TJP2: variants seen among roughly 807,000 people sequenced by gnomAD.
The protein encoded by TJP2 is Friedreich ataxia region gene X104 (tight junction protein ZO-2).
TJP2 carries 91 observed loss-of-function variants against 133.1 expected under a neutral mutation model. The ratio of observed to expected loss-of-function variants is 0.68; its 90% CI spans 0.58 to 0.81. TJP2 has a LOEUF of 0.81. TJP2 is among the 40% of genes least tolerant of loss of function. The pLI, the probability that TJP2 is intolerant of heterozygous loss-of-function variation, is 0.00. For synonymous variants in TJP2, 592 were observed against 583.4 expected (o/e 1.01, Z -0.21); for missense variants, 1,541 against 1,565.6 (o/e 0.98, Z 0.26).
chr9:69,233,477 G>C (rs1399581687), intron 11 of TJP2, among the ~76,000 whole-genome samples: 4 of 152,166 alleles, frequency 2.6e-5, no homozygotes, highest in Non-Finnish European at 5.9e-5. Context: ...TAGGCTGAAA[G>C]ATACAGAACT....
rs548512481 is a variant in TJP2 at position 69,234,370 on chromosome 9, T to TTTTCTTTCTTTCTTTCTTTCTTTCTTTC, written c.1672-65_1672-38dup. On this transcript the variant is annotated intron_variant, in intron 11 of 22. Transcript: ENST00000377245. Reference sequence around the variant, plus strand: ...GCATCTTACTATAAACTTCTCTGTTTTTTCTTTCTTTCTTTCTTTCTTTCT... The same window carrying TTTTCTTTCTTTCTTTCTTTCTTTCTTTC: ...GCATCTTACTATAAACTTCTCTGTTTTTTCTTTCTTTCTTTCTTTCTTTCTTTCTTTCTTTCTTTCTTTCTTTCTTTCT... 4.5e-6 allele frequency: 5 copies of TTTTCTTTCTTTCTTTCTTTCTTTCTTTC among 1,117,774 alleles called. No homozygotes were observed. In the African/African-American group the frequency reaches 8.9e-5, roughly 20 times the overall value. The allele number at this position is 1,117,774 out of a possible 1,614,324, so 69.2% of individuals were successfully genotyped here.
intron 1 of TJP2, among the ~76,000 whole-genome samples, chr9:69,130,015 CAAA>C (rs11355311): frequency 2.1e-4 from 20 of 94,168 alleles, no homozygotes; most frequent in Non-Finnish European, 2.4e-4. Context: ...AACTCTGCCT[CAAA>C]AAAAAAAAAA....
At chr9:69,243,589 G>A (rs756101291) in intron 17 of TJP2, among the ~76,000 whole-genome samples, 4 of 152,030 alleles carry the variant, frequency 2.6e-5, no homozygotes, top group Non-Finnish European at 4.4e-5. Flanking sequence ...TGTTTTCTTG[G>A]AATCTTCAAA....
In TJP2 at chr9:69,255,149, C is replaced by T. The variant is rs752601594; in HGVS notation, c.*775C>T. On this transcript the variant is annotated 3_prime_UTR_variant, in exon 23 of 23. Transcript: ENST00000377245. Reference sequence around the variant, plus strand: ...GAGGAAAACACTATTTCCAAAAGCACATGTATTGACAACAGTTTTATAATT... The same window carrying T: ...GAGGAAAACACTATTTCCAAAAGCATATGTATTGACAACAGTTTTATAATT... The T allele has an allele frequency of 6.6e-6, 1 of 152,374 alleles. No individual in the cohort carries two copies. Among genetic ancestry groups the T allele is most frequent in the African/African-American group, 2.4e-5 (1 of 41,438 alleles). 9.4% of individuals were successfully genotyped at this position (152,374 alleles called of 1,614,324 possible).
At chr9:69,243,447 AGGC>A (rs1205972041) in intron 17 of TJP2, among the ~76,000 whole-genome samples, 1 of 152,260 alleles carries the variant, frequency 6.6e-6, no homozygotes, top group Non-Finnish European at 1.5e-5. Flanking sequence ...ATTTGCCCAA[AGGC>A]AAGTTGACTT....
At chr9:69,189,648 T>TTA (rs397789557) in intron 1 of TJP2, among the ~76,000 whole-genome samples, 2 of 32,874 alleles carry the variant, frequency 6.1e-5, no homozygotes, top group African/African-American at 1.0e-4. Flanking sequence ...TTTTTTTTTT[T>TTA]AAGTTTAAAA....
intron 1 of TJP2, among the ~76,000 whole-genome samples, chr9:69,185,023 T>C (rs1825760840): frequency 6.6e-6 from 1 of 152,044 alleles, no homozygotes; most frequent in African/African-American, 2.4e-5. Flanking sequence ...GTGCTAGGAT[T>C]ATAGGCGTGA....
intron 14 of TJP2, 151 bp downstream of exon 14, chr9:69,237,287 C>G (rs543514758): frequency 5.0e-6 from 5 of 995,778 alleles, no homozygotes; most frequent in South Asian, 4.1e-5. Context: ...TAACAAGGAG[C>G]ATGATTTATA....
intron 1 of TJP2, among the ~76,000 whole-genome samples, chr9:69,183,381 T>C (rs1825646287): frequency 6.6e-6 from 1 of 152,196 alleles, no homozygotes; most frequent in African/African-American, 2.4e-5. Context: ...CTGACTTCTC[T>C]CACCGTGGAA....
intron 2 of TJP2, among the ~76,000 whole-genome samples, chr9:69,154,662 C>T (rs1345247802): frequency 6.6e-6 from 1 of 151,056 alleles, no homozygotes; most frequent in Non-Finnish European, 1.5e-5. Flanking sequence ...TGGTGGTTCG[C>T]ACCTATAATC....
rs766659266 is a variant in TJP2, at chr9:69,248,218, C to T, written c.2874C>T (p.His958=). The T allele has an allele frequency of 1.1e-5, 18 of 1,598,526 alleles. No individual in the cohort carries two copies. The East Asian group carries it at 1.4e-4, about 12-fold the overall frequency. The change falls in exon 19 of 23, where the codon CAC becomes CAT. Residue 958 remains histidine, a synonymous_variant. Transcript: ENST00000377245. ...CCCGCTCCTCGGAGCCGGTGCAGCA[C>T]GAGGAGGTGAGGCGAGGCAGGCCAC... ...SITRSSEPVQ[H]EESIRKPSPE... is the part of the protein sequence containing the mutation.
chr9:69,178,347 G>C (rs554951447), intron 1 of TJP2, among the ~76,000 whole-genome samples: 1 of 152,284 alleles, frequency 6.6e-6, no homozygotes, highest in South Asian at 2.1e-4. Flanking sequence ...TTATTTCATG[G>C]CTAGATTGCT....
intron 2 of TJP2, among the ~76,000 whole-genome samples, chr9:69,162,241 C>T (rs1824118923): frequency 6.7e-6 from 1 of 149,374 alleles, no homozygotes; most frequent in Non-Finnish European, 1.5e-5. Context: ...ATTAACTTTA[C>T]TATTAAGTAA....
chr9:69,168,048 AT>A (rs573667662), intron 2 of TJP2, among the ~76,000 whole-genome samples: 417 of 152,300 alleles, frequency 2.7e-3, no homozygotes, highest in African/African-American at 9.6e-3. Flanking sequence ...TTTCTACATA[AT>A]ATCAAGATGT....
At chr9:69,205,178 C>A in intron 1 of TJP2, 4 of 1,537,256 alleles carry the variant, frequency 2.6e-6, no homozygotes, top group Non-Finnish European at 3.5e-6. Context: ...ACTGCTCAAG[C>A]CCTACATAGG....
At position 69,221,278 on chromosome 9, in the gene TJP2, T is replaced by C; in HGVS notation, c.734T>C (p.Ile245Thr). ...CGTGACCGCAGCCGCGGCCGGAGCA[T>C]TGACCAGGACTACGAGCGAGCCTAT... Reference protein sequence around the residue: ...RDRDRSRGRSIDQDYERAYHR... With the variant: ...RDRDRSRGRSTDQDYERAYHR... The change falls in exon 5 of 23, where the codon ATT becomes ACT. Residue 245 changes from isoleucine (I) to threonine (T), a missense_variant. Coordinates refer to ENST00000377245, the MANE Select transcript of TJP2 (RefSeq NM_004817.4). 3 of 1,608,174 alleles carry C rather than the reference T, an allele frequency of 1.9e-6. No individual in the cohort carries two copies. The highest frequency in any genetic ancestry group is 1.7e-6 in the Non-Finnish European group (2 of 1,177,750).
At chr9:69,201,695 G>A (rs1588041179) in intron 1 of TJP2, among the ~76,000 whole-genome samples, 1 of 152,296 alleles carries the variant, frequency 6.6e-6, no homozygotes, top group Admixed American at 6.5e-5. Flanking sequence ...GCCAAGAGGT[G>A]AAAGTAACCC....
intron 1 of TJP2, among the ~76,000 whole-genome samples, chr9:69,205,681 T>C (rs774389921): frequency 3.9e-5 from 6 of 152,280 alleles, no homozygotes; most frequent in African/African-American, 9.6e-5. Context: ...TGTTCTTTTT[T>C]CCTCTTACAG....
intron 1 of TJP2, among the ~76,000 whole-genome samples, chr9:69,177,077 C>T (rs1587976696): frequency 1.3e-5 from 2 of 152,144 alleles, no homozygotes; most frequent in Admixed American, 6.5e-5. Flanking sequence ...ATCTCTAGAA[C>T]GAATCCCATT....
Sources: allele counts gnomAD v4.1 joint callset (sites outside exome capture counted in the v4.1 genomes callset), GRCh38; gene constraint gnomAD v4.1.1; transcripts MANE v1.5; gene names NCBI Gene and HGNC (gene_info 2026-07-23, HGNC 2026-07-21).